Variants in CRYBG1 observed in about 807,000 individuals in gnomAD.
CRYBG1 encodes beta/gamma crystallin domain-containing protein 1.
In CRYBG1, 139 loss-of-function variants were observed where a neutral mutation model predicts 189.2. The ratio of observed to expected loss-of-function variants is 0.73; its 90% CI spans 0.64 to 0.85. CRYBG1 has a LOEUF of 0.85. CRYBG1 is among the 40% of genes least tolerant of loss of function. CRYBG1 has a pLI of 0.00. For synonymous variants in CRYBG1, 1,023 were observed against 1,017.1 expected, an observed-to-expected ratio of 1.01 and a Z score of -0.11; for missense variants, 2,611 against 2,675.8, an observed-to-expected ratio of 0.98 and a Z score of 0.53.
intron 2 of CRYBG1, among the ~76,000 whole-genome samples, chr6:106,481,484 C>G (rs1297812939): frequency 6.6e-6 from 1 of 152,132 alleles, no homozygotes; most frequent in Non-Finnish European, 1.5e-5. Context: ...TTTCCCTAAT[C>G]TCATCTGCAT....
In CRYBG1 at chr6:106,521,575, A is replaced by AT. The variant is rs1289918446; in HGVS notation, c.4245+124dup. ...AGCTTATGTGCTATAGTTTTTATTC[A>AT]TTCATCACATATTTGAAAACCTGCA... On this transcript the variant is annotated intron_variant, in intron 4 of 21. Transcript: ENST00000633556. 2.6e-6 allele frequency: 3 copies of AT among 1,145,646 alleles called. No homozygotes were observed. In the East Asian group the frequency reaches 7.3e-5, roughly 28 times the overall value. The allele number at this position is 1,145,646 out of a possible 1,614,324, so 71.0% of individuals were successfully genotyped here.
intron 2 of CRYBG1, among the ~76,000 whole-genome samples, chr6:106,499,677 G>A (rs901395793): frequency 6.6e-6 from 1 of 151,994 alleles, no homozygotes; most frequent in African/African-American, 2.4e-5. Context: ...TTTTTGTAAT[G>A]AGAACATTTA....
chr6:106,489,579 G>A (rs941664762), intron 2 of CRYBG1, among the ~76,000 whole-genome samples: 5 of 151,714 alleles, frequency 3.3e-5, no homozygotes, highest in African/African-American at 1.2e-4. Context: ...AGCACTTTGG[G>A]AGGCCGAGGA....
intron 13 of CRYBG1, 97 bp from the exon 14 acceptor site, chr6:106,551,755 C>A: frequency 1.5e-6 from 2 of 1,374,152 alleles, no homozygotes; most frequent in East Asian, 2.3e-5. Context: ...ATTGGCAAAA[C>A]AAATGAAAGT....
chr6:106,468,058 G>A (rs1340618), intron 2 of CRYBG1, among the ~76,000 whole-genome samples: 122,245 of 152,028 alleles, frequency 0.8, 49,184 homozygotes, highest in East Asian at 0.96. Flanking sequence ...TGGTGAGAGT[G>A]GAATACATGA....
At position 106,428,798 on chromosome 6, in the gene CRYBG1, T is replaced by C. The variant is rs576246584; in HGVS notation, c.174-22896T>C. ...GTCCTTCAGTTCATTGTCATTTCTG[T>C]GCATCAAAGCATCACCCCAAATTCT... On this transcript the variant is annotated intron_variant, in intron 1 of 21. Coordinates refer to ENST00000633556, the MANE Select transcript of CRYBG1 (RefSeq NM_001371242.2). Among the ~76,000 whole-genome samples, 3 of 152,338 alleles carry C rather than the reference T, an allele frequency of 2.0e-5. No homozygotes were observed. In the South Asian group the frequency reaches 6.2e-4, roughly 32 times the overall value.
intron 8 of CRYBG1, among the ~76,000 whole-genome samples, chr6:106,538,163 T>C (rs1451180815): frequency 2.5e-5 from 2 of 78,496 alleles, no homozygotes; most frequent in Non-Finnish European, 6.2e-5. Flanking sequence ...TATGTTTGTT[T>C]ATGAAGCAGG....
chr6:106,552,324 G>T, intron 15 of CRYBG1, 108 bp downstream of exon 15: 2 of 763,460 alleles, frequency 2.6e-6, no homozygotes, highest in Non-Finnish European at 4.0e-6. Flanking sequence ...GGTGGCTCAC[G>T]CCTGTAATCC....
chr6:106,434,197 A>G (rs1316238791), intron 1 of CRYBG1, among the ~76,000 whole-genome samples: 2 of 152,106 alleles, frequency 1.3e-5, no homozygotes, highest in African/African-American at 4.8e-5. Flanking sequence ...AGAGAAAGAA[A>G]GAGAGAGAAA....
intron 1 of CRYBG1, among the ~76,000 whole-genome samples, chr6:106,443,826 A>G (rs896798040): frequency 3.3e-5 from 5 of 152,142 alleles, no homozygotes; most frequent in African/African-American, 1.2e-4. Flanking sequence ...TAAATGGGGT[A>G]TCTTTCACCT....
intron 8 of CRYBG1, among the ~76,000 whole-genome samples, chr6:106,533,584 G>A (rs1441805468): frequency 2.6e-5 from 4 of 152,204 alleles, no homozygotes; most frequent in Non-Finnish European, 5.9e-5. Flanking sequence ...TTAGACGTGC[G>A]ATGGTGGTGG....
At position 106,479,767 on chromosome 6, in the gene CRYBG1, G is replaced by A. The variant is rs185862608; in HGVS notation, c.312+27935G>A. ...AAATTATTTGCTTATTTTTAATTAG[G>A]GTTATTTGTATTTTAATTGCTGAAC... On this transcript the variant is annotated intron_variant, in intron 2 of 21. Coordinates refer to ENST00000633556, the MANE Select transcript of CRYBG1 (RefSeq NM_001371242.2). 7.1e-4 allele frequency among the ~76,000 whole-genome samples: 108 copies of A among 152,048 alleles called. 1 individual carries two copies. The highest frequency in any genetic ancestry group is 2.6e-3 in the African/African-American group (106 of 41,480).
At chr6:106,365,568 G>A (rs1404096575) in intron 1 of CRYBG1, among the ~76,000 whole-genome samples, 116 of 151,406 alleles carry the variant, frequency 7.7e-4, no homozygotes, top group Non-Finnish European at 7.4e-5. Flanking sequence ...GATTACGGGT[G>A]TGAGCCACCA....
chr6:106,551,900 G>A lies in CRYBG1; in HGVS notation c.5361G>A (p.Leu1787=), dbSNP rs748743696. 1.2e-4 allele frequency: 186 copies of A among 1,611,544 alleles called. No individual in the cohort carries two copies. The highest frequency in any genetic ancestry group is 1.5e-4 in the Non-Finnish European group (175 of 1,178,078). The change falls in exon 14 of 22, where the codon CTG becomes CTA. Residue 1787 remains leucine, a synonymous_variant. Coordinates refer to ENST00000633556, the MANE Select transcript of CRYBG1 (RefSeq NM_001371242.2). ...ACTTCACAGGAGAACAGTATATACT[G>A]GATAAAGGATTTTATACCAGTTTTG... ...NPDFTGEQYI[L]DKGFYTSFED...
At chr6:106,545,682 TAA>T (rs1774252301) in intron 13 of CRYBG1, among the ~76,000 whole-genome samples, 1 of 91,884 alleles carries the variant, frequency 1.1e-5, no homozygotes, top group Non-Finnish European at 3.1e-5. Flanking sequence ...TTTGTTCTCC[TAA>T]CTCTTTTTTT....
intron 1 of CRYBG1, among the ~76,000 whole-genome samples, chr6:106,428,481 G>A (rs1026586956): frequency 3.3e-5 from 5 of 152,006 alleles, no homozygotes; most frequent in East Asian, 3.9e-4. Context: ...ATAGTAAAAT[G>A]TTTCTGGGAA....
chr6:106,512,069 AGT>A lies in CRYBG1; in HGVS notation c.960_961del (p.Ala321ArgfsTer20). ...AGGCGAGGCCCCTAACGGAGCCCCC[AGT>A]GTGTGTGCCGAAGAAGGCTCCCTGG... ...GLGEAPNGAP[S>X]VCAEEGSLGP... On this transcript the variant is annotated frameshift_variant, in exon 3 of 22. Coordinates refer to ENST00000633556, the MANE Select transcript of CRYBG1 (RefSeq NM_001371242.2). LOFTEE classifies it high-confidence loss of function. The A allele has an allele frequency of 1.3e-6, 2 of 1,534,104 alleles. No homozygotes were observed. Among genetic ancestry groups the A allele is most frequent in the African/African-American group, 1.4e-5 (1 of 73,040 alleles).
chr6:106,399,633 C>T (rs892643494), intron 1 of CRYBG1, among the ~76,000 whole-genome samples: 3 of 150,100 alleles, frequency 2.0e-5, no homozygotes, highest in South Asian at 2.1e-4. Flanking sequence ...GTTTTCCGAT[C>T]GGTCCTTTTT....
intron 21 of CRYBG1, among the ~76,000 whole-genome samples, chr6:106,565,883 A>G (rs952795144): frequency 1.3e-5 from 2 of 152,168 alleles, no homozygotes; most frequent in Admixed American, 1.3e-4. Context: ...AGAGTGCTTC[A>G]GTGTTGACAA....
Sources: allele counts gnomAD v4.1 joint callset (sites outside exome capture counted in the v4.1 genomes callset), GRCh38; gene constraint gnomAD v4.1.1; transcripts MANE v1.5; gene names NCBI Gene and HGNC (gene_info 2026-07-23, HGNC 2026-07-21).